The following CAMK1D variants were observed in gnomAD, a reference collection of about 807,000 sequenced individuals.
The protein encoded by CAMK1D is calcium/calmodulin-dependent protein kinase type 1D.
Under a neutral mutation model 47.7 loss-of-function variants are expected in CAMK1D, and 9 were observed. The ratio of observed to expected loss-of-function variants is 0.19; its 90% CI spans 0.11 to 0.33. CAMK1D has a LOEUF of 0.33. Ranked by LOEUF, CAMK1D falls within the 10% of genes least tolerant of loss-of-function variation. CAMK1D has a pLI of 1.00. For synonymous variants in CAMK1D, 184 were observed against 184.9 expected, an observed-to-expected ratio of 0.99 and a Z score of 0.04; for missense variants, 291 against 488.7, an observed-to-expected ratio of 0.60 and a Z score of 3.81.
chr10:12,474,493 C>G (rs117908214), intron 1 of CAMK1D, among the ~76,000 whole-genome samples: 8 of 151,864 alleles, frequency 5.3e-5, no homozygotes, highest in African/African-American at 1.9e-4. Flanking sequence ...GCACCTGGCC[C>G]GAGGATGGTT....
At chr10:12,602,745 G>A (rs1402183542) in intron 2 of CAMK1D, among the ~76,000 whole-genome samples, 1 of 151,962 alleles carries the variant, frequency 6.6e-6, no homozygotes, top group Non-Finnish European at 1.5e-5. Context: ...AATGGCACTG[G>A]GCCTGCAGAG....
intron 1 of CAMK1D, among the ~76,000 whole-genome samples, chr10:12,351,489 A>T (rs3013016): frequency 6.6e-6 from 1 of 151,858 alleles, no homozygotes; most frequent in African/African-American, 2.4e-5. Flanking sequence ...TGTGGCCGCC[A>T]ATGAGGAGAT....
chr10:12,376,469 C>A (rs1172393748), intron 1 of CAMK1D, among the ~76,000 whole-genome samples: 2 of 152,082 alleles, frequency 1.3e-5, no homozygotes, highest in Non-Finnish European at 2.9e-5. Context: ...TAGGGCAGGT[C>A]CTGGGAAACT....
chr10:12,749,559 T>TTG (rs1554820836), intron 3 of CAMK1D, among the ~76,000 whole-genome samples: 10,644 of 136,662 alleles, frequency 0.078, 525 homozygotes, highest in Non-Finnish European at 0.11. Flanking sequence ...TTTTTGTTTG[T>TTG]TTGTTTGTTT....
At chr10:12,387,575 C>T (rs1360079751) in intron 1 of CAMK1D, among the ~76,000 whole-genome samples, 11 of 146,752 alleles carry the variant, frequency 7.5e-5, no homozygotes, top group East Asian at 6.1e-4. Flanking sequence ...GGTGCAATCT[C>T]GGCTCACTGC....
At chr10:12,677,255 T>A (rs1840841180) in intron 3 of CAMK1D, among the ~76,000 whole-genome samples, 2 of 152,164 alleles carry the variant, frequency 1.3e-5, no homozygotes, top group South Asian at 4.1e-4. Flanking sequence ...AAATTATGAC[T>A]CCCAATAGAA....
chr10:12,800,601 A>T (rs1198984669), intron 6 of CAMK1D, among the ~76,000 whole-genome samples: 1 of 152,194 alleles, frequency 6.6e-6, no homozygotes, highest in African/African-American at 2.4e-5. Flanking sequence ...GTTGGCCTTG[A>T]AGCTTGCCTA....
intron 1 of CAMK1D, among the ~76,000 whole-genome samples, chr10:12,367,496 T>C (rs1323064833): frequency 6.6e-6 from 1 of 151,906 alleles, no homozygotes; most frequent in Non-Finnish European, 1.5e-5. Context: ...ATTATTTATT[T>C]ATTCCTATTA....
At chr10:12,426,376 AG>A (rs1427766913) in intron 1 of CAMK1D, among the ~76,000 whole-genome samples, 3 of 151,998 alleles carry the variant, frequency 2.0e-5, no homozygotes, top group Non-Finnish European at 4.4e-5. Flanking sequence ...CCTCTGGAAT[AG>A]CTGGGATTAC....
At chr10:12,651,220 T>C (rs1839954564) in intron 2 of CAMK1D, among the ~76,000 whole-genome samples, 1 of 152,084 alleles carries the variant, frequency 6.6e-6, no homozygotes. Context: ...GCCCCACCTC[T>C]GATGAAATAG....
intron 1 of CAMK1D, among the ~76,000 whole-genome samples, chr10:12,527,004 G>A (rs1452334416): frequency 6.6e-6 from 1 of 151,656 alleles, no homozygotes; most frequent in Non-Finnish European, 1.5e-5. Flanking sequence ...AGGCAATGTA[G>A]CAAGACCCCA....
intron 1 of CAMK1D, among the ~76,000 whole-genome samples, chr10:12,490,494 A>G (rs893527281): frequency 2.0e-5 from 3 of 152,170 alleles, no homozygotes; most frequent in African/African-American, 7.2e-5. Context: ...GAACATTATT[A>G]CTTTCTTAAA....
At chr10:12,793,996 T>C (rs1405851646) in intron 6 of CAMK1D, among the ~76,000 whole-genome samples, 6 of 152,042 alleles carry the variant, frequency 3.9e-5, no homozygotes, top group Non-Finnish European at 7.4e-5. Flanking sequence ...CCAAGAGCAG[T>C]AGGGAGGGTT....
intron 1 of CAMK1D, among the ~76,000 whole-genome samples, chr10:12,354,930 C>T (rs1453908372): frequency 6.6e-6 from 1 of 151,114 alleles, no homozygotes; most frequent in Non-Finnish European, 1.5e-5. Context: ...CAGCCTCACA[C>T]TCCTGGGCTC....
intron 1 of CAMK1D, among the ~76,000 whole-genome samples, chr10:12,364,734 T>G (rs1049071648): frequency 2.0e-5 from 3 of 152,232 alleles, no homozygotes; most frequent in Non-Finnish European, 4.4e-5. Flanking sequence ...ACGGCAGTTC[T>G]GATTTGTAGC....
chr10:12,362,636 T>G (rs1051978592), intron 1 of CAMK1D, among the ~76,000 whole-genome samples: 2 of 152,144 alleles, frequency 1.3e-5, no homozygotes, highest in Non-Finnish European at 2.9e-5. Context: ...TAGCTGGGAC[T>G]ACAGGCGCCC....
chr10:12,576,751 C>A (rs777964595), intron 2 of CAMK1D, among the ~76,000 whole-genome samples: 11 of 152,208 alleles, frequency 7.2e-5, no homozygotes, highest in Non-Finnish European at 1.2e-4. Context: ...TACCACTCAC[C>A]TTCCTGGTGT....
At chr10:12,356,623 G>A (rs1837525357) in intron 1 of CAMK1D, among the ~76,000 whole-genome samples, 4 of 151,406 alleles carry the variant, frequency 2.6e-5, no homozygotes, top group African/African-American at 9.7e-5. Flanking sequence ...TCCGGAGGCC[G>A]AGGCAGGAGA....
At chr10:12,536,091 C>T (rs1215405367) in intron 1 of CAMK1D, among the ~76,000 whole-genome samples, 1 of 151,968 alleles carries the variant, frequency 6.6e-6, no homozygotes, top group African/African-American at 2.4e-5. Context: ...ATCTTTTATG[C>T]CTTTGGTTAA....
Sources: allele counts gnomAD v4.1 joint callset (sites outside exome capture counted in the v4.1 genomes callset), GRCh38; gene constraint gnomAD v4.1.1; transcripts MANE v1.5; gene names NCBI Gene and HGNC (gene_info 2026-07-23, HGNC 2026-07-21).